PCDHGA6: variants seen among roughly 807,000 people sequenced by gnomAD.
PCDHGA6 encodes the protein protocadherin gamma subfamily A, 6, also known as protocadherin gamma-A6.
PCDHGA6 carries 41 observed loss-of-function variants against 60.6 expected under a neutral mutation model. That is an observed-to-expected ratio of 0.68 (90% CI 0.53 to 0.88). PCDHGA6 has a LOEUF of 0.88. PCDHGA6 is among the 40% of genes least tolerant of loss of function. The pLI is 0.00. For synonymous variants in PCDHGA6, 594 were observed against 524.4 expected, an observed-to-expected ratio of 1.13 and a Z score of -1.81; for missense variants, 1,312 against 1,203.0, an observed-to-expected ratio of 1.09 and a Z score of -1.34.
chr5:141,509,811 C>T (rs1321920000), intron 3 of PCDHGA6, among the ~76,000 whole-genome samples: 1 of 152,168 alleles, frequency 6.6e-6, no homozygotes, highest in African/African-American at 2.4e-5. Flanking sequence ...TAGAGCCGAG[C>T]TCTTCTCCAT....
intron 1 of PCDHGA6, among the ~76,000 whole-genome samples, chr5:141,425,482 C>T (rs1257043728): frequency 6.6e-6 from 1 of 152,192 alleles, no homozygotes; most frequent in Non-Finnish European, 1.5e-5. Context: ...CCTATGGCAA[C>T]CTACTAGGCT....
At chr5:141,421,079 T>A (rs2096545177) in intron 1 of PCDHGA6, 1 of 630,528 alleles carries the variant, frequency 1.6e-6, no homozygotes, top group Non-Finnish European at 2.7e-6. Context: ...AGATGGATAC[T>A]CACAGATCCT....
chr5:141,469,370 A>T (rs1453825795), intron 1 of PCDHGA6, among the ~76,000 whole-genome samples: 1 of 152,106 alleles, frequency 6.6e-6, no homozygotes, highest in Non-Finnish European at 1.5e-5. Flanking sequence ...AGGTAAAGAG[A>T]TCGAGACCAT....
intron 1 of PCDHGA6, chr5:141,428,769 T>A (rs1367357065): frequency 6.5e-6 from 1 of 154,242 alleles, no homozygotes; most frequent in Non-Finnish European, 1.4e-5. Flanking sequence ...TTGCCCACTC[T>A]TAATATTTCC....
intron 1 of PCDHGA6, chr5:141,376,920 C>T (rs527270477): frequency 5.8e-6 from 1 of 173,470 alleles, no homozygotes; most frequent in Admixed American, 5.6e-5. Flanking sequence ...ATCTCCTGAC[C>T]TCATGATCCA....
In PCDHGA6 at chr5:141,477,097, G is replaced by A; in HGVS notation, c.2425-17710G>A. ...AGATTTACATCCAGGCCAAAGACAAGGGCGCCAATCCCGAAGGAGCACATT... is the reference window on the plus strand; with the variant it reads ...AGATTTACATCCAGGCCAAAGACAAAGGCGCCAATCCCGAAGGAGCACATT... On this transcript the variant is annotated intron_variant, in intron 1 of 3. Transcript: ENST00000517434. This position sits in a 1 kb window ranked among gnomAD's most constrained non-coding sequence, Gnocchi z 4.9. 1 of 1,614,242 alleles carries A rather than the reference G, an allele frequency of 6.2e-7. No homozygotes were observed. Among genetic ancestry groups the A allele is most frequent in the South Asian group, 1.1e-5 (1 of 91,088 alleles).
intron 1 of PCDHGA6, chr5:141,414,350 C>T (rs1450829111): frequency 1.9e-6 from 3 of 1,613,726 alleles, no homozygotes; most frequent in Admixed American, 1.7e-5. Flanking sequence ...TCCATTTTGG[C>T]GTATCTACCA....
At chr5:141,404,266 C>T in intron 1 of PCDHGA6, 1 of 1,613,980 alleles carries the variant, frequency 6.2e-7, no homozygotes. Flanking sequence ...AAATTCACAT[C>T]ACCCTGCAAG....
intron 1 of PCDHGA6, among the ~76,000 whole-genome samples, chr5:141,438,629 TATATATACACAC>T (rs1343412075): frequency 0.05 from 2,378 of 47,602 alleles, 22 homozygotes; most frequent in African/African-American, 0.12. Context: ...TATATATATA[TATATATACACAC>T]ACACACACAC....
In PCDHGA6 at chr5:141,400,602, A is replaced by C; in HGVS notation, c.2424+24095A>C. 3.1e-6 allele frequency: 5 copies of C among 1,590,234 alleles called. No homozygotes were observed. In the South Asian group the frequency reaches 5.6e-5, roughly 18 times the overall value. ...TTACATGAAACTATCGTACATTTTCAAGTCCAATGAGTTGTCTTAGGGAAG... is the reference window on the plus strand; with the variant it reads ...TTACATGAAACTATCGTACATTTTCCAGTCCAATGAGTTGTCTTAGGGAAG... On this transcript the variant is annotated intron_variant, in intron 1 of 3. Transcript: ENST00000517434.
intron 1 of PCDHGA6, chr5:141,415,978 C>A: frequency 5.7e-6 from 2 of 353,430 alleles, no homozygotes; most frequent in Non-Finnish European, 9.4e-6. Flanking sequence ...CTTAAGCAAC[C>A]CTCTTGTTCT....
chr5:141,388,395 C>T (rs1445370262), intron 1 of PCDHGA6: 10 of 1,613,928 alleles, frequency 6.2e-6, no homozygotes, highest in Middle Eastern at 1.6e-4. Flanking sequence ...GCAGAATTAC[C>T]AACTCAGTCC....
intron 1 of PCDHGA6, chr5:141,392,909 C>T: frequency 1.2e-6 from 2 of 1,613,876 alleles, no homozygotes; most frequent in Admixed American, 3.3e-5. Flanking sequence ...GACAGATTCG[C>T]TACTCTGTGC....
intron 1 of PCDHGA6, chr5:141,385,537 T>A (rs1486400401): frequency 1.5e-6 from 2 of 1,341,418 alleles, no homozygotes; most frequent in Non-Finnish European, 1.9e-6. Flanking sequence ...ATTATGAATA[T>A]GTGGACTATC....
intron 1 of PCDHGA6, chr5:141,421,286 T>G: frequency 6.2e-7 from 1 of 1,613,284 alleles, no homozygotes; most frequent in Non-Finnish European, 8.5e-7. Flanking sequence ...CTGTGCATTT[T>G]CCTGGGGACG....
chr5:141,408,058 G>A, intron 1 of PCDHGA6: 1 of 1,316,270 alleles, frequency 7.6e-7, no homozygotes. Flanking sequence ...GAGCCTCCCG[G>A]CTGCGCAGAC....
At chr5:141,395,196 G>T (rs1431851304) in intron 1 of PCDHGA6, 1 of 1,613,948 alleles carries the variant, frequency 6.2e-7, no homozygotes, top group Non-Finnish European at 8.5e-7. Context: ...GTTAACATCC[G>T]TAGATTTTCA....
In PCDHGA6 at chr5:141,375,595, C is replaced by T. The variant is rs1444867378; in HGVS notation, c.1512C>T (p.Tyr504=). The T allele has an allele frequency of 8.1e-6, 13 of 1,614,066 alleles. No individual in the cohort carries two copies. The highest frequency in any genetic ancestry group is 1.3e-5 in the African/African-American group (1 of 74,938). Residue 504 remains tyrosine (Y), a synonymous_variant, in exon 1 of 4, where the codon TAC becomes TAT. Coordinates refer to ENST00000517434, the MANE Select transcript of PCDHGA6 (RefSeq NM_018919.3). ...TCCAGGGGGCGCCCCTGTCCTCCTACGTGTCCATCAACTCCGACACTGGGA... is the reference window on the plus strand; with the variant it reads ...TCCAGGGGGCGCCCCTGTCCTCCTATGTGTCCATCAACTCCGACACTGGGA... ...DTLQGAPLSS[Y]VSINSDTGIL...
rs1771538043 is a variant in PCDHGA6 at position 141,375,513 on chromosome 5, T to C, written c.1430T>C (p.Leu477Pro). The change falls in exon 1 of 4, where the codon CTG becomes CCG. Residue 477 changes from leucine (L) to proline (P), a missense_variant. Coordinates refer to ENST00000517434, the MANE Select transcript of PCDHGA6 (RefSeq NM_018919.3). ...RGASIFSVNA[L>P]DPDVDQNAQV... is the part of the protein sequence containing the mutation. ...GCCTCCATCTTCTCTGTGAATGCAC[T>C]GGACCCTGACGTGGACCAGAACGCC... 1.2e-6 allele frequency: 2 copies of C among 1,614,038 alleles called. No individual in the cohort carries two copies. The highest frequency in any genetic ancestry group is 1.7e-6 in the Non-Finnish European group (2 of 1,179,930).
Sources: gnomAD v4.1 joint callset for allele counts (sites outside exome capture counted in the v4.1 genomes callset) on GRCh38, gnomAD v4.1.1 for gene constraint, Gnocchi (gnomAD v3.1) non-coding constraint, MANE v1.5 for transcripts, NCBI Gene and HGNC (gene_info 2026-07-23, HGNC 2026-07-21) for gene names.